The following MAPKAPK3 variants were observed in gnomAD, a reference collection of about 807,000 sequenced individuals.
The protein encoded by MAPKAPK3 is MAPK activated protein kinase 3.
Under a neutral mutation model 49.2 loss-of-function variants are expected in MAPKAPK3, and 35 were observed. That is an observed-to-expected ratio of 0.71 (90% CI 0.54 to 0.94). The LOEUF is 0.94. Ranked by LOEUF, MAPKAPK3 falls within the 40% of genes least tolerant of loss-of-function variation. The pLI, the probability that MAPKAPK3 is intolerant of heterozygous loss-of-function variation, is 0.00. For missense variants in MAPKAPK3, 398 were observed against 493.1 expected, an observed-to-expected ratio of 0.81 and a Z score of 1.83; for synonymous variants, 178 against 188.7, an observed-to-expected ratio of 0.94 and a Z score of 0.46.
Position 50,617,547 on chromosome 3 carries a change from T to G in MAPKAPK3, c.-19T>G. The G allele has an allele frequency of 7.5e-7, 1 of 1,335,802 alleles. No individual in the cohort carries two copies. 82.7% of individuals were successfully genotyped at this position (1,335,802 alleles called of 1,614,324 possible). A position where few individuals can be genotyped will look rare whatever the true frequency, so the allele number is the denominator to read the frequency against. On this transcript the variant is annotated 5_prime_UTR_variant, in exon 2 of 11. Transcript: ENST00000621469. ...AGAAGCGCCAGGCTGGGGCCGCCTC[T>G]GAGCGCCCCGCGGGGGCCATGGATG...
chr3:50,633,705 C>T (rs1045114374), intron 2 of MAPKAPK3, among the ~76,000 whole-genome samples: 7 of 152,216 alleles, frequency 4.6e-5, no homozygotes, highest in Non-Finnish European at 7.3e-5. Flanking sequence ...CTCCCAAGCC[C>T]GTGTTTCCTC....
chr3:50,646,077 G>T, intron 7 of MAPKAPK3, 63 bp from the exon 8 acceptor site: 1 of 1,572,490 alleles, frequency 6.4e-7, no homozygotes. Flanking sequence ...GGCTTTTGAG[G>T]GGAAATGGGT....
At chr3:50,633,996 C>T (rs1427192078) in intron 2 of MAPKAPK3, among the ~76,000 whole-genome samples, 1 of 152,176 alleles carries the variant, frequency 6.6e-6, no homozygotes, top group Non-Finnish European at 1.5e-5. Flanking sequence ...GGGCACGGGC[C>T]CTTCTGCTCT....
At chr3:50,644,106 G>C (rs1305714266) in intron 5 of MAPKAPK3, among the ~76,000 whole-genome samples, 1 of 152,174 alleles carries the variant, frequency 6.6e-6, no homozygotes, top group Admixed American at 6.5e-5. Context: ...CCTTGCTCTA[G>C]CATTTCATGG....
upstream of MAPKAPK3, chr3:50,611,678 T>G: frequency 6.8e-7 from 1 of 1,479,924 alleles, no homozygotes; most frequent in East Asian, 2.9e-5. Flanking sequence ...GACTCCGGAG[T>G]GGGGACTCGG....
At chr3:50,634,217 C>T (rs1259388509) in intron 2 of MAPKAPK3, among the ~76,000 whole-genome samples, 1 of 152,186 alleles carries the variant, frequency 6.6e-6, no homozygotes, top group Non-Finnish European at 1.5e-5. Context: ...AGTGGGGACC[C>T]ACACCTCAGG....
chr3:50,637,452 C>T (rs552272285), intron 2 of MAPKAPK3, among the ~76,000 whole-genome samples: 13 of 151,780 alleles, frequency 8.6e-5, no homozygotes, highest in South Asian at 2.1e-4. Context: ...TTGGCTAACA[C>T]GGTGAAACCC....
intron 2 of MAPKAPK3, among the ~76,000 whole-genome samples, chr3:50,639,850 A>G (rs1368744935): frequency 6.6e-6 from 1 of 152,138 alleles, no homozygotes; most frequent in Non-Finnish European, 1.5e-5. Flanking sequence ...CATTTCTCAT[A>G]GATGCCCAGG....
chr3:50,631,518 C>A (rs932681942), intron 2 of MAPKAPK3, among the ~76,000 whole-genome samples: 1 of 152,234 alleles, frequency 6.6e-6, no homozygotes, highest in South Asian at 2.1e-4. Context: ...GTCACACTGG[C>A]TGGCAGGGCC....
chr3:50,611,819 CCAGACGAGCGGGGCGGGG>C (rs998318323), upstream of MAPKAPK3: 198 of 871,058 alleles, frequency 2.3e-4, 1 homozygote, highest in Middle Eastern at 3.6e-4. Flanking sequence ...GGGGGGCGGG[CCAGACGAGCGGGGCGGGG>C]CGAGCTGCTG....
chr3:50,634,229 G>A (rs2032978477), intron 2 of MAPKAPK3, among the ~76,000 whole-genome samples: 1 of 152,194 alleles, frequency 6.6e-6, no homozygotes, highest in African/African-American at 2.4e-5. Context: ...CACCTCAGGT[G>A]CATGGCCAGG....
chr3:50,634,412 G>A (rs1055637247), intron 2 of MAPKAPK3, among the ~76,000 whole-genome samples: 27 of 152,014 alleles, frequency 1.8e-4, no homozygotes, highest in African/African-American at 6.3e-4. Context: ...CCCCTGGGGA[G>A]CTCAGGGAAC....
At chr3:50,645,478 C>T (rs974441267) in intron 6 of MAPKAPK3, among the ~76,000 whole-genome samples, 3 of 152,198 alleles carry the variant, frequency 2.0e-5, no homozygotes, top group Non-Finnish European at 4.4e-5. Context: ...TAGAGGGGCT[C>T]AGGCCCAAGG....
chr3:50,646,620 G>A, intron 8 of MAPKAPK3, 120 bp from the exon 9 acceptor site: 1 of 840,650 alleles, frequency 1.2e-6, no homozygotes, highest in African/African-American at 1.7e-5. Flanking sequence ...CTCTTTCTGT[G>A]GGTTGGGAAT....
intron 7 of MAPKAPK3, 130 bp downstream of exon 7, chr3:50,645,915 C>T (rs1305202591): frequency 1.3e-5 from 13 of 1,001,654 alleles, no homozygotes; most frequent in Non-Finnish European, 2.0e-5. Flanking sequence ...CTCATGCAGG[C>T]TGCCCTTCCC....
At chr3:50,643,606 T>A (rs1308778674) in intron 5 of MAPKAPK3, among the ~76,000 whole-genome samples, 1 of 151,978 alleles carries the variant, frequency 6.6e-6, no homozygotes, top group Admixed American at 6.6e-5. Context: ...GGACCCTGGC[T>A]TTTTTTTCCC....
intron 2 of MAPKAPK3, among the ~76,000 whole-genome samples, chr3:50,634,389 C>T (rs1321806017): frequency 2.0e-5 from 3 of 152,104 alleles, no homozygotes; most frequent in Non-Finnish European, 4.4e-5. Context: ...ACAGACCCTC[C>T]AGTTCTGGTG....
At chr3:50,643,290 AGT>A (rs1458114918) in intron 5 of MAPKAPK3, among the ~76,000 whole-genome samples, 1 of 152,200 alleles carries the variant, frequency 6.6e-6, no homozygotes, top group Non-Finnish European at 1.5e-5. Flanking sequence ...GCCACCTTCC[AGT>A]CTTGAGGCTG....
At chr3:50,638,994 C>T (rs1457403703) in intron 2 of MAPKAPK3, among the ~76,000 whole-genome samples, 1 of 152,206 alleles carries the variant, frequency 6.6e-6, no homozygotes, top group East Asian at 1.9e-4. Context: ...CCCTGCTGTC[C>T]CCATTCTGGG....
Sources: allele counts gnomAD v4.1 joint callset (sites outside exome capture counted in the v4.1 genomes callset), GRCh38; gene constraint gnomAD v4.1.1; transcripts MANE v1.5; gene names NCBI Gene and HGNC (gene_info 2026-07-23, HGNC 2026-07-21).